Variants in IFFO2 observed in about 807,000 individuals in gnomAD.
IFFO2 encodes intermediate filament family orphan 2.
Under a neutral mutation model 53.5 loss-of-function variants are expected in IFFO2, and 19 were observed. The ratio of observed to expected loss-of-function variants is 0.36; its 90% CI spans 0.25 to 0.52. The LOEUF (loss-of-function observed/expected upper bound fraction) is 0.52. Among genes scored for constraint, IFFO2 ranks in the 20% least tolerant of loss-of-function variants. The pLI is 0.94. For missense variants in IFFO2, 570 were observed against 727.4 expected (o/e 0.78, Z 2.49); for synonymous variants, 303 against 313.6 (o/e 0.97, Z 0.36).
In IFFO2 at chr1:18,947,048, C is replaced by T. The variant is rs139268204; in HGVS notation, c.665+8620G>A. Among the ~76,000 whole-genome samples, 63 of 152,346 alleles carry T rather than the reference C, an allele frequency of 4.1e-4. No homozygotes were observed. The highest frequency in any genetic ancestry group is 1.5e-3 in the African/African-American group (61 of 41,578). On this transcript the variant is annotated intron_variant, in intron 1 of 8. Transcript: ENST00000455833. This position sits in a 1 kb window ranked among gnomAD's most constrained non-coding sequence, Gnocchi z 5.0. The stretch of plus-strand genomic sequence containing the variant: ...TCTATGTCCCCAGATTCTGAGTTCT[C>T]GAGGGCAGGGGCCTGGCCCACGGTG...
intron 1 of IFFO2, among the ~76,000 whole-genome samples, chr1:18,932,921 C>T (rs1263980193): frequency 6.6e-6 from 1 of 152,196 alleles, no homozygotes; most frequent in African/African-American, 2.4e-5. Context: ...ACCAAGAGAG[C>T]CTTCATGAGC....
In IFFO2 at chr1:18,905,562, CCA is replaced by C. The variant is rs1261845293; in HGVS notation, c.*2997_*2998del. On this transcript the variant is annotated 3_prime_UTR_variant, in exon 9 of 9. Transcript: ENST00000455833. The stretch of plus-strand genomic sequence containing the variant: ...TCTCCCTAGGTCATCTGAGCTCTAC[CCA>C]CAGAGTTAGTCCACGATGGATTTGG... The C allele has an allele frequency of 6.6e-6, 1 of 152,192 alleles. No homozygotes were observed. Among genetic ancestry groups the C allele is most frequent in the Admixed American group, 6.5e-5 (1 of 15,288 alleles). The allele number at this position is 152,192 out of a possible 1,614,324, so 9.4% of individuals were successfully genotyped here. A position where few individuals can be genotyped will look rare whatever the true frequency, so the allele number is the denominator to read the frequency against.
chr1:18,938,466 G>A (rs1936477406), intron 1 of IFFO2, among the ~76,000 whole-genome samples: 1 of 152,158 alleles, frequency 6.6e-6, no homozygotes. Context: ...CTGGGACTGG[G>A]GAACTGTCTG....
At chr1:18,932,096 G>A (rs1290321247) in intron 1 of IFFO2, among the ~76,000 whole-genome samples, 3 of 152,190 alleles carry the variant, frequency 2.0e-5, no homozygotes, top group Non-Finnish European at 2.9e-5. Flanking sequence ...ACGGAACAAG[G>A]CTCAAATCCC....
At chr1:18,913,828 T>G (rs1056710169) in intron 5 of IFFO2, among the ~76,000 whole-genome samples, 3 of 144,254 alleles carry the variant, frequency 2.1e-5, no homozygotes, top group African/African-American at 8.5e-5. Context: ...TTGTTGTTTT[T>G]TTGTTTGTTT....
intron 1 of IFFO2, among the ~76,000 whole-genome samples, chr1:18,952,622 T>C (rs1164918991): frequency 1.3e-5 from 2 of 152,188 alleles, no homozygotes; most frequent in Non-Finnish European, 2.9e-5. Context: ...GCAGAGTGTA[T>C]GTTTCTATTT....
rs1181853529 is a variant in IFFO2 at position 18,919,498 on chromosome 1, G to A, written c.822+180C>T. On this transcript the variant is annotated intron_variant, in intron 3 of 8. Transcript: ENST00000455833. The surrounding 1 kb of genome is among the most constrained non-coding windows in gnomAD (Gnocchi z 4.9). ...ACCGAGGGAAGCAGAAGTGGGGAGG[G>A]GGCGGGAGGAGGGTGCCTGGTCTCC... Among the ~76,000 whole-genome samples, 2 of 152,082 alleles carry A rather than the reference G, an allele frequency of 1.3e-5. No homozygotes were observed. The highest frequency in any genetic ancestry group is 2.4e-5 in the African/African-American group (1 of 41,404).
In IFFO2 at chr1:18,956,544, C is replaced by G. The variant is rs1242670863; in HGVS notation, c.-212G>C. On this transcript the variant is annotated 5_prime_UTR_variant, in exon 1 of 9. Coordinates refer to ENST00000455833, the MANE Select transcript of IFFO2 (RefSeq NM_001136265.2). This position sits in a 1 kb window ranked among gnomAD's most constrained non-coding sequence, Gnocchi z 6.4. ...GCCGAGGCGAGAGAGGGCACTCGGC[C>G]GCTCCTCGGGACGCGGTGGAGGCCG... 1 of 156,836 alleles carries G rather than the reference C, an allele frequency of 6.4e-6. No homozygotes were observed. The highest frequency in any genetic ancestry group is 1.4e-5 in the Non-Finnish European group (1 of 71,380). The allele number at this position is 156,836 out of a possible 1,614,324, so 9.7% of individuals were successfully genotyped here. A position where few individuals can be genotyped will look rare whatever the true frequency, so the allele number is the denominator to read the frequency against.
intron 1 of IFFO2, among the ~76,000 whole-genome samples, chr1:18,933,806 A>G (rs1936410435): frequency 6.6e-6 from 1 of 152,062 alleles, no homozygotes; most frequent in Non-Finnish European, 1.5e-5. Context: ...TACCATCTTA[A>G]CCATTTTTAA....
At position 18,916,997 on chromosome 1, in the gene IFFO2, T is replaced by C; in HGVS notation, c.1009A>G (p.Ile337Val). The C allele has an allele frequency of 6.4e-7, 1 of 1,552,190 alleles. No individual in the cohort carries two copies. Among genetic ancestry groups the C allele is most frequent in the Non-Finnish European group, 8.7e-7 (1 of 1,147,090 alleles). Residue 337 changes from isoleucine (I) to valine (V), a missense_variant, in exon 5 of 9, where the codon ATC (isoleucine) becomes GTC (valine). Ile to Val is a conservative substitution (Grantham distance 29). Coordinates refer to ENST00000455833, the MANE Select transcript of IFFO2 (RefSeq NM_001136265.2). The surrounding 1 kb of genome is among the most constrained non-coding windows in gnomAD (Gnocchi z 4.3). ...TTCACCTCCCCGTCCTGCTCAGAGA[T>C]GTCATCATCGGAAGCCACCTTACGC... Reference protein sequence around the residue: ...KERKVASDDDISEQDGEVNRF... With the variant: ...KERKVASDDDVSEQDGEVNRF...
chr1:18,956,273 G>T lies in IFFO2; in HGVS notation c.60C>A (p.Gly20=). The T allele has an allele frequency of 1.2e-6, 1 of 847,476 alleles. No homozygotes were observed. Among genetic ancestry groups the T allele is most frequent in the Non-Finnish European group, 1.5e-6 (1 of 682,162 alleles). The allele number at this position is 847,476 out of a possible 1,614,324, so 52.5% of individuals were successfully genotyped here. Residue 20 remains glycine (G), a synonymous_variant, in exon 1 of 9, where the codon GGC becomes GGA. Coordinates refer to ENST00000455833, the MANE Select transcript of IFFO2 (RefSeq NM_001136265.2). This position sits in a 1 kb window ranked among gnomAD's most constrained non-coding sequence, Gnocchi z 6.4. Reference sequence around the variant, plus strand: ...CCCCGCCAGGGCAGCCCCCGCCGCCGCCGCCCGGCGGGCAGCCGAAGGCCA... The same window carrying T: ...CCCCGCCAGGGCAGCCCCCGCCGCCTCCGCCCGGCGGGCAGCCGAAGGCCA... ...MALAFGCPPG[G]GGGGCPGGGG... is the part of the protein sequence containing the mutation.
In IFFO2 at chr1:18,928,226, T is replaced by C. The variant is rs369272097; in HGVS notation, c.666-7105A>G. On this transcript the variant is annotated intron_variant, in intron 1 of 8. Transcript: ENST00000455833. This position sits in a 1 kb window ranked among gnomAD's most constrained non-coding sequence, Gnocchi z 4.9. ...CCCTGGGGACACCTGGCACCACCTCTTGTGGCCTCCCGGCTCCCATCTCCA... is the reference window on the plus strand; with the variant it reads ...CCCTGGGGACACCTGGCACCACCTCCTGTGGCCTCCCGGCTCCCATCTCCA... Among the ~76,000 whole-genome samples the C allele has an allele frequency of 3.0e-4, 46 of 152,228 alleles. No homozygotes were observed. Among genetic ancestry groups the C allele is most frequent in the African/African-American group, 1.0e-3 (42 of 41,550 alleles).
At chr1:18,935,127 T>C (rs28550043) in intron 1 of IFFO2, among the ~76,000 whole-genome samples, 127,838 of 152,182 alleles carry the variant, frequency 0.84, 54,023 homozygotes, top group African/African-American at 0.89. Flanking sequence ...CTTACTCCAG[T>C]TCCTGCAGCA....
Position 18,956,314 on chromosome 1 carries a change from A to G in IFFO2, c.19T>C (p.Phe7Leu). The change falls in exon 1 of 9, where the codon TTC (phenylalanine) becomes CTC (leucine). Residue 7 changes from phenylalanine (F) to leucine (L), a missense_variant. Coordinates refer to ENST00000455833, the MANE Select transcript of IFFO2 (RefSeq NM_001136265.2). The surrounding 1 kb of genome is among the most constrained non-coding windows in gnomAD (Gnocchi z 6.4). MVNSLLFGEMALAFGCP... is the reference protein window; with the variant it reads MVNSLLLGEMALAFGCP... ...CCGAAGGCCAAGGCCATCTCCCCGA[A>G]CAGCAGCGAGTTCACCATGCGCCGG... 2.3e-6 allele frequency: 1 copy of G among 432,390 alleles called. No individual in the cohort carries two copies. The highest frequency in any genetic ancestry group is 3.4e-6 in the Non-Finnish European group (1 of 296,370). The allele number at this position is 432,390 out of a possible 1,614,324, so 26.8% of individuals were successfully genotyped here. A position where few individuals can be genotyped will look rare whatever the true frequency, so the allele number is the denominator to read the frequency against.
chr1:18,919,826 G>A lies in IFFO2; in HGVS notation c.727-53C>T, dbSNP rs41273181. ...AGAGGGGCCGGGTCCTCTGGGGATA[G>A]GAGGGTCTGGACACCTGAGTCCAGA... On this transcript the variant is annotated intron_variant, in intron 2 of 8. Transcript: ENST00000455833. This position sits in a 1 kb window ranked among gnomAD's most constrained non-coding sequence, Gnocchi z 4.9. 0.086 allele frequency: 111,579 copies of A among 1,303,816 alleles called. 5,719 individuals are homozygous for A. Among genetic ancestry groups the A allele is most frequent in the African/African-American group, 0.19 (13,109 of 68,166 alleles). The allele number at this position is 1,303,816 out of a possible 1,614,324, so 80.8% of individuals were successfully genotyped here.
In IFFO2 at chr1:18,917,051, G is replaced by T. The variant is rs1936143639; in HGVS notation, c.964-9C>A. 6.4e-7 allele frequency: 1 copy of T among 1,552,128 alleles called. No individual in the cohort carries two copies. Among genetic ancestry groups the T allele is most frequent in the African/African-American group, 1.4e-5 (1 of 73,178 alleles). On this transcript the variant is annotated splice_polypyrimidine_tract_variant and intron_variant, in intron 4 of 8. Coordinates refer to ENST00000455833, the MANE Select transcript of IFFO2 (RefSeq NM_001136265.2). The surrounding 1 kb of genome is among the most constrained non-coding windows in gnomAD (Gnocchi z 5.9). ...TTCTTTTTGGGGACCACCTGAACCG[G>T]AAAGGAAGCAATCAAGGTAACTGGG...
chr1:18,955,773 T>C lies in IFFO2; in HGVS notation c.560A>G (p.His187Arg), dbSNP rs1320816953. ...GATCTGCACGCCCACGCCGTCGGGG[T>C]GCACCCACGACACGCCGGGGCCCTG... is the stretch of plus-strand genomic sequence containing the variant. ...TVQGPGVSWV[H>R]PDGVGVQIDT... The change falls in exon 1 of 9, where the codon CAC (histidine) becomes CGC (arginine). Residue 187 changes from histidine (H) to arginine (R), a missense_variant. His to Arg is a conservative substitution (Grantham distance 29, BLOSUM62 0). Coordinates refer to ENST00000455833, the MANE Select transcript of IFFO2 (RefSeq NM_001136265.2). The C allele has an allele frequency of 1.9e-6, 3 of 1,557,298 alleles. No homozygotes were observed. The highest frequency in any genetic ancestry group is 2.6e-6 in the Non-Finnish European group (3 of 1,157,598).
chr1:18,951,949 G>C (rs1936664907), intron 1 of IFFO2, among the ~76,000 whole-genome samples: 2 of 152,176 alleles, frequency 1.3e-5, no homozygotes, highest in African/African-American at 4.8e-5. Context: ...AGCAAGCTGA[G>C]AGAGATCACC....
chr1:18,925,893 A>ATGG (rs1557643149), intron 1 of IFFO2, among the ~76,000 whole-genome samples: 1 of 15,022 alleles, frequency 6.7e-5, no homozygotes, highest in Non-Finnish European at 1.3e-4. Context: ...GGATGGATGG[A>ATGG]TTGGATGGAT....
Sources: gnomAD v4.1 joint callset for allele counts (sites outside exome capture counted in the v4.1 genomes callset) on GRCh38, gnomAD v4.1.1 for gene constraint, Gnocchi (gnomAD v3.1) non-coding constraint, MANE v1.5 for transcripts, NCBI Gene and HGNC (gene_info 2026-07-23, HGNC 2026-07-21) for gene names.